The following MAGI1 variants were observed in gnomAD, a reference collection of about 807,000 sequenced individuals.
MAGI1 encodes the protein membrane-associated guanylate kinase, WW and PDZ domain-containing protein 1.
MAGI1 carries 58 observed loss-of-function variants against 139.9 expected under a neutral mutation model. That is an observed-to-expected ratio of 0.41 (90% CI 0.34 to 0.52). The LOEUF is 0.52. Among genes scored for constraint, MAGI1 ranks in the 20% least tolerant of loss-of-function variants. The probability of loss-of-function intolerance (pLI) is 0.12; values close to 1 mark genes in which losing one functional copy is unlikely to be tolerated. For missense variants in MAGI1, 1,874 were observed against 1,901.6 expected, an observed-to-expected ratio of 0.99 and a Z score of 0.27; for synonymous variants, 812 against 737.9, an observed-to-expected ratio of 1.10 and a Z score of -1.63.
At chr3:65,962,122 A>ATTTTTTTTTTTTTT (rs567359350) in intron 1 of MAGI1, among the ~76,000 whole-genome samples, 1 of 122,528 alleles carries the variant, frequency 8.2e-6, no homozygotes, top group Non-Finnish European at 1.7e-5. Context: ...ATCTGATTGT[A>ATTTTTTTTTTTTTT]TTTTTTTTTT....
intron 2 of MAGI1, among the ~76,000 whole-genome samples, chr3:65,563,130 T>G (rs1370181193): frequency 6.6e-6 from 1 of 152,244 alleles, no homozygotes; most frequent in African/African-American, 2.4e-5. Context: ...GCAAGAGAAC[T>G]TTATTAAGTT....
intron 2 of MAGI1, chr3:65,549,552 C>T (rs1199528031): frequency 5.7e-6 from 5 of 875,104 alleles, no homozygotes; most frequent in Non-Finnish European, 6.9e-6. Flanking sequence ...GCAGTAGGCT[C>T]GGCCAGGGTG....
At chr3:65,762,656 T>C (rs2037129964) in intron 1 of MAGI1, among the ~76,000 whole-genome samples, 1 of 152,218 alleles carries the variant, frequency 6.6e-6, no homozygotes, top group Non-Finnish European at 1.5e-5. Flanking sequence ...TTTAGTTATA[T>C]AACATGGGTG....
intron 2 of MAGI1, among the ~76,000 whole-genome samples, chr3:65,571,099 C>T (rs1016905358): frequency 6.6e-5 from 10 of 152,130 alleles, no homozygotes; most frequent in African/African-American, 2.4e-4. Context: ...CTTTTTATTG[C>T]TTTTCATTAC....
rs190536684 is a variant in MAGI1 at position 65,581,389 on chromosome 3, G to A, written c.430+40583C>T. On this transcript the variant is annotated intron_variant, in intron 2 of 22. Transcript: ENST00000402939. ...GAAAAAAAAAGGCAAATGAGGCCAC[G>A]GAAGTTCTCTGCTCAAAAACCCAAA... Among the ~76,000 whole-genome samples, 25 of 152,204 alleles carry A rather than the reference G, an allele frequency of 1.6e-4. 1 individual carries two copies. Among genetic ancestry groups the A allele is most frequent in the Non-Finnish European group, 1.3e-4 (9 of 68,004 alleles).
intron 1 of MAGI1, among the ~76,000 whole-genome samples, chr3:65,720,804 T>C (rs149399808): frequency 1.0e-3 from 152 of 151,988 alleles, no homozygotes; most frequent in African/African-American, 3.6e-3. Flanking sequence ...GGCTGGAGTG[T>C]AGTGGTACAA....
In MAGI1 at chr3:66,038,819, GC is replaced by G. The variant is rs1376942809; in HGVS notation, c.-512del. ...GCAGGGCGGGAGGTAAGTGCTCGCGGCCCCTTTAAGCAGATACAAAGGCTCG... is the reference window on the plus strand; with the variant it reads ...GCAGGGCGGGAGGTAAGTGCTCGCGGCCCTTTAAGCAGATACAAAGGCTCG... On this transcript the variant is annotated 5_prime_UTR_variant, in exon 1 of 23. Transcript: ENST00000402939. The G allele has an allele frequency of 1.3e-5, 2 of 154,132 alleles. No individual in the cohort carries two copies. Among genetic ancestry groups the G allele is most frequent in the East Asian group, 3.9e-4 (2 of 5,166 alleles). 9.5% of individuals were successfully genotyped at this position (154,132 alleles called of 1,614,324 possible).
intron 1 of MAGI1, among the ~76,000 whole-genome samples, chr3:65,995,933 G>A (rs2066422624): frequency 6.6e-6 from 1 of 152,162 alleles, no homozygotes; most frequent in African/African-American, 2.4e-5. Flanking sequence ...AGGAGTTTGA[G>A]GTTGTAGGGA....
chr3:65,631,964 G>A (rs2084339192), intron 1 of MAGI1, among the ~76,000 whole-genome samples: 1 of 151,376 alleles, frequency 6.6e-6, no homozygotes, highest in Non-Finnish European at 1.5e-5. Context: ...GGCAGAGGTT[G>A]CAGTGAGCCA....
intron 1 of MAGI1, among the ~76,000 whole-genome samples, chr3:66,010,077 C>CCA (rs1560107607): frequency 2.4e-4 from 17 of 69,780 alleles, no homozygotes; most frequent in Middle Eastern, 0.013. Context: ...CTCTCTGTCT[C>CCA]AAAAAAAAAA....
chr3:65,602,676 A>G (rs2082538706), intron 2 of MAGI1, among the ~76,000 whole-genome samples: 2 of 152,290 alleles, frequency 1.3e-5, no homozygotes, highest in African/African-American at 4.8e-5. Context: ...AAATAGGTCA[A>G]TTATGTAGTA....
intron 9 of MAGI1, 50 bp from the exon 10 acceptor site, chr3:65,437,297 G>C (rs1368241952): frequency 1.7e-6 from 2 of 1,183,368 alleles, no homozygotes; most frequent in Non-Finnish European, 2.5e-6. Context: ...ATGGCTCATT[G>C]AGTTACTTAT....
chr3:65,634,176 T>A (rs1172993822), intron 1 of MAGI1, among the ~76,000 whole-genome samples: 2 of 152,104 alleles, frequency 1.3e-5, no homozygotes, highest in Admixed American at 6.6e-5. Context: ...GGGACTCAAA[T>A]CCGGGGGAGT....
chr3:66,001,302 T>A (rs1266010368), intron 1 of MAGI1, among the ~76,000 whole-genome samples: 1 of 152,130 alleles, frequency 6.6e-6, no homozygotes, highest in Non-Finnish European at 1.5e-5. Context: ...AAGAAAATTT[T>A]AAAATAAACT....
At chr3:65,953,165 G>T (rs922512371) in intron 1 of MAGI1, among the ~76,000 whole-genome samples, 1 of 152,166 alleles carries the variant, frequency 6.6e-6, no homozygotes, top group Non-Finnish European at 1.5e-5. Context: ...TCTACTCATT[G>T]CAAGTGAGCA....
At chr3:65,888,750 G>T (rs2060627243) in intron 1 of MAGI1, among the ~76,000 whole-genome samples, 1 of 151,784 alleles carries the variant, frequency 6.6e-6, no homozygotes, top group Non-Finnish European at 1.5e-5. Flanking sequence ...AAAGAAAAAA[G>T]CCAGAAGACT....
intron 14 of MAGI1, among the ~76,000 whole-genome samples, chr3:65,384,554 G>T (rs923717193): frequency 1.3e-5 from 2 of 152,118 alleles, no homozygotes; most frequent in East Asian, 3.9e-4. Context: ...GGGCAACATA[G>T]TGAGACCTTG....
chr3:65,376,208 C>T (rs1036597417), intron 17 of MAGI1, among the ~76,000 whole-genome samples: 2 of 152,164 alleles, frequency 1.3e-5, no homozygotes, highest in African/African-American at 4.8e-5. Flanking sequence ...CCCAGCTTTC[C>T]TCCTTAAACC....
rs773064855 is a variant in MAGI1, at chr3:65,470,417, G to T, written c.825C>A (p.Ile275=). The change falls in exon 5 of 23, where the codon ATC becomes ATA. Residue 275 remains isoleucine, a synonymous_variant. Transcript: ENST00000402939. The part of the protein sequence containing the change: ...ETALPPVNSS[I]IAAPITDPSQ... Reference sequence around the variant, plus strand: ...AAGGGTCCGTGATGGGAGCAGCGATGATGCTACTATTCACAGGTGGTAATG... The same window carrying T: ...AAGGGTCCGTGATGGGAGCAGCGATTATGCTACTATTCACAGGTGGTAATG... The T allele has an allele frequency of 1.9e-6, 3 of 1,613,694 alleles. No individual in the cohort carries two copies. Among genetic ancestry groups the T allele is most frequent in the Middle Eastern group, 1.7e-4 (1 of 6,060 alleles).
Sources: gnomAD v4.1 joint callset for allele counts (sites outside exome capture counted in the v4.1 genomes callset) on GRCh38, gnomAD v4.1.1 for gene constraint, MANE v1.5 for transcripts, NCBI Gene and HGNC (gene_info 2026-07-23, HGNC 2026-07-21) for gene names.